The following LPP variants were observed in gnomAD, a reference collection of about 807,000 sequenced individuals.
LPP encodes the protein LIM domain containing preferred translocation partner in lipoma.
In LPP, 38 loss-of-function variants were observed where a neutral mutation model predicts 60.4. The observed-to-expected ratio is 0.63, with a 90% confidence interval of 0.49 to 0.83. The LOEUF (loss-of-function observed/expected upper bound fraction) is 0.83. LPP is among the 40% of genes least tolerant of loss of function. The pLI is 0.00. For missense variants in LPP, 902 were observed against 783.6 expected, an observed-to-expected ratio of 1.15 and a Z score of -1.80; for synonymous variants, 328 against 290.8, an observed-to-expected ratio of 1.13 and a Z score of -1.30.
At chr3:188,726,485 C>A (rs1718431854) in intron 8 of LPP, among the ~76,000 whole-genome samples, 1 of 152,110 alleles carries the variant, frequency 6.6e-6, no homozygotes, top group Admixed American at 6.6e-5. Flanking sequence ...AGATGAAAAG[C>A]TTCTTTTATG....
At chr3:188,414,521 T>C (rs571933640) in intron 4 of LPP, among the ~76,000 whole-genome samples, 7 of 152,196 alleles carry the variant, frequency 4.6e-5, no homozygotes, top group Non-Finnish European at 8.8e-5. Flanking sequence ...TAATTTAGCA[T>C]GTTATCCATA....
rs117633968 is a variant in LPP at position 188,318,148 on chromosome 3, G to A, written c.-66-23515G>A. ...GAAGATCCTTCTCTTATTTTTCTTT[G>A]CATCGTGCAGTTTAATTTAGCACAG... On this transcript the variant is annotated intron_variant, in intron 2 of 11. Coordinates refer to ENST00000617246, the MANE Select transcript of LPP (RefSeq NM_001375462.1). 1.1e-4 allele frequency among the ~76,000 whole-genome samples: 16 copies of A among 152,232 alleles called. No homozygotes were observed. In the East Asian group the frequency reaches 3.1e-3, roughly 29 times the overall value.
At chr3:188,664,548 C>G (rs756416404) in intron 7 of LPP, among the ~76,000 whole-genome samples, 5 of 151,874 alleles carry the variant, frequency 3.3e-5, no homozygotes, top group Admixed American at 2.0e-4. Flanking sequence ...TTACCCTTAG[C>G]ATTTTCCTGA....
chr3:188,168,743 A>G (rs763965539), intron 1 of LPP, among the ~76,000 whole-genome samples: 1 of 152,234 alleles, frequency 6.6e-6, no homozygotes, highest in Non-Finnish European at 1.5e-5. Flanking sequence ...TGCCATAACT[A>G]TCTTGTTTAA....
At chr3:188,240,382 A>C (rs1553827507) in intron 2 of LPP, among the ~76,000 whole-genome samples, 1 of 148,614 alleles carries the variant, frequency 6.7e-6, no homozygotes, top group Admixed American at 6.6e-5. Flanking sequence ...TGTGTGAGAG[A>C]GAGACAGAGA....
At chr3:188,523,478 G>A (rs184536999) in intron 5 of LPP, among the ~76,000 whole-genome samples, 183 of 152,268 alleles carry the variant, frequency 1.2e-3, no homozygotes, top group African/African-American at 4.1e-3. Context: ...TAGGGCATAC[G>A]GAACTAGTGG....
intron 6 of LPP, among the ~76,000 whole-genome samples, chr3:188,565,188 C>T (rs1047225922): frequency 6.6e-6 from 1 of 151,920 alleles, no homozygotes; most frequent in Non-Finnish European, 1.5e-5. Flanking sequence ...TTACCTGTTA[C>T]AAAACTGTGG....
intron 4 of LPP, among the ~76,000 whole-genome samples, chr3:188,427,496 G>T (rs926120422): frequency 1.3e-5 from 2 of 152,028 alleles, no homozygotes; most frequent in Admixed American, 1.3e-4. Flanking sequence ...ATGTATCTTG[G>T]GGTTGCTCTT....
chr3:188,288,500 G>C (rs1744747003), intron 2 of LPP, among the ~76,000 whole-genome samples: 1 of 139,542 alleles, frequency 7.2e-6, no homozygotes, highest in African/African-American at 2.5e-5. Context: ...CCAGCCTCCA[G>C]TCCTGTCTCA....
At chr3:188,440,131 A>T (rs1450747547) in intron 4 of LPP, among the ~76,000 whole-genome samples, 4 of 152,110 alleles carry the variant, frequency 2.6e-5, no homozygotes, top group Non-Finnish European at 5.9e-5. Flanking sequence ...TGGATCAGAA[A>T]TGTCTTCCTT....
intron 7 of LPP, among the ~76,000 whole-genome samples, chr3:188,697,402 G>A (rs1223317952): frequency 3.9e-5 from 6 of 152,308 alleles, no homozygotes; most frequent in East Asian, 3.9e-4. Context: ...TATTAAAACC[G>A]AAAACTGATT....
intron 3 of LPP, among the ~76,000 whole-genome samples, chr3:188,399,607 A>G (rs913204639): frequency 1.3e-5 from 2 of 152,214 alleles, no homozygotes; most frequent in Non-Finnish European, 2.9e-5. Flanking sequence ...CCAGGAAGAT[A>G]TAGGGACTAA....
At chr3:188,615,346 A>G (rs1035832877) in intron 7 of LPP, among the ~76,000 whole-genome samples, 2 of 152,204 alleles carry the variant, frequency 1.3e-5, no homozygotes, top group Non-Finnish European at 2.9e-5. Flanking sequence ...ATTAAGATCC[A>G]GCTACAGTGT....
At chr3:188,655,398 GAC>G (rs1183666881) in intron 7 of LPP, among the ~76,000 whole-genome samples, 1 of 152,200 alleles carries the variant, frequency 6.6e-6, no homozygotes, top group African/African-American at 2.4e-5. Context: ...CTTCAAGGAA[GAC>G]ACACAGCATA....
intron 9 of LPP, among the ~76,000 whole-genome samples, chr3:188,858,779 T>C (rs1764434380): frequency 6.6e-6 from 1 of 152,146 alleles, no homozygotes; most frequent in African/African-American, 2.4e-5. Context: ...ACATAGGTTT[T>C]GTCTGTGCTA....
chr3:188,492,394 C>T (rs568316937), intron 5 of LPP, among the ~76,000 whole-genome samples: 90 of 151,982 alleles, frequency 5.9e-4, no homozygotes, highest in Middle Eastern at 3.4e-3. Context: ...TCTTTTTCTA[C>T]TTATAAGAAA....
At chr3:188,719,829 G>T (rs779861511) in intron 8 of LPP, among the ~76,000 whole-genome samples, 11 of 152,296 alleles carry the variant, frequency 7.2e-5, no homozygotes, top group Non-Finnish European at 1.5e-4. Flanking sequence ...CATTAGGATT[G>T]TCAGAAGGCA....
intron 8 of LPP, among the ~76,000 whole-genome samples, chr3:188,756,938 C>T (rs968082558): frequency 1.3e-4 from 20 of 152,190 alleles, no homozygotes; most frequent in Admixed American, 1.1e-3. Flanking sequence ...AAGGCAATTC[C>T]GTGTCATGCC....
chr3:188,761,881 T>G (rs1379883754), intron 9 of LPP, among the ~76,000 whole-genome samples: 1 of 152,166 alleles, frequency 6.6e-6, no homozygotes, highest in Non-Finnish European at 1.5e-5. Flanking sequence ...CTAAACCGGG[T>G]GTCATTCACA....
Sources: allele counts gnomAD v4.1 joint callset (sites outside exome capture counted in the v4.1 genomes callset), GRCh38; gene constraint gnomAD v4.1.1; transcripts MANE v1.5; gene names NCBI Gene and HGNC (gene_info 2026-07-23, HGNC 2026-07-21).